SEC24D: variants seen among roughly 807,000 people sequenced by gnomAD.
The protein encoded by SEC24D is protein transport protein Sec24D.
In SEC24D, 69 loss-of-function variants were observed where a neutral mutation model predicts 116.9. That is an observed-to-expected ratio of 0.59 (90% CI 0.49 to 0.72). The LOEUF (loss-of-function observed/expected upper bound fraction) is 0.72. SEC24D is among the 30% of genes least tolerant of loss of function. SEC24D has a pLI of 0.00. For synonymous variants in SEC24D, 405 were observed against 442.8 expected (o/e 0.91, Z 1.07); for missense variants, 1,131 against 1,264.1 (o/e 0.89, Z 1.60).
chr4:118,833,332 A>G (rs1238242813), intron 2 of SEC24D: 6 of 342,708 alleles, frequency 1.8e-5, no homozygotes, highest in South Asian at 7.7e-5. Flanking sequence ...CAAGACTCAC[A>G]GTAAAAATAA....
chr4:118,757,589 TTGATTTATGAC>T, intron 11 of SEC24D, 121 bp downstream of exon 11: 1 of 697,122 alleles, frequency 1.4e-6, no homozygotes, highest in South Asian at 2.0e-5. Context: ...ATGATGCTGT[TTGATTTATGAC>T]TAATTACCCA....
intron 8 of SEC24D, among the ~76,000 whole-genome samples, chr4:118,772,611 A>C (rs950631198): frequency 6.6e-6 from 1 of 152,070 alleles, no homozygotes; most frequent in Admixed American, 6.6e-5. Context: ...AGGGAGCCAC[A>C]AAGTGGAGCA....
At chr4:118,814,301 C>A (rs1730044073) in intron 6 of SEC24D, among the ~76,000 whole-genome samples, 1 of 152,228 alleles carries the variant, frequency 6.6e-6, no homozygotes, top group African/African-American at 2.4e-5. Context: ...TTTTGGCCAG[C>A]TCTGTTTCCT....
At chr4:118,800,534 A>G (rs1411638671) in intron 7 of SEC24D, among the ~76,000 whole-genome samples, 1 of 152,250 alleles carries the variant, frequency 6.6e-6, no homozygotes, top group African/African-American at 2.4e-5. Flanking sequence ...ATTCAAATAG[A>G]AACAGAAGAA....
chr4:118,754,544 G>C (rs1342833210), intron 11 of SEC24D, among the ~76,000 whole-genome samples: 1 of 152,106 alleles, frequency 6.6e-6, no homozygotes, highest in Non-Finnish European at 1.5e-5. Context: ...AGGACCCAAA[G>C]CTTATGTTAT....
intron 15 of SEC24D, among the ~76,000 whole-genome samples, chr4:118,742,374 G>C (rs997038890): frequency 2.3e-4 from 17 of 72,634 alleles, no homozygotes; most frequent in African/African-American, 4.1e-4. Flanking sequence ...TTGGAAAAGT[G>C]GGGGGGGGAA....
chr4:118,768,398 T>TC, intron 8 of SEC24D, 87 bp from the exon 9 acceptor site: 1 of 1,000,688 alleles, frequency 1.0e-6, no homozygotes, highest in Non-Finnish European at 1.4e-6. Flanking sequence ...ATGGCACTTT[T>TC]TTTTTTTTTT....
intron 12 of SEC24D, among the ~76,000 whole-genome samples, chr4:118,752,379 T>A (rs950113890): frequency 6.6e-6 from 1 of 152,244 alleles, no homozygotes; most frequent in African/African-American, 2.4e-5. Flanking sequence ...CTTCAGTTAT[T>A]ACCATCATCA....
In SEC24D at chr4:118,820,661, CTT is replaced by C. The variant is rs35175042; in HGVS notation, c.249-3251_249-3250del. On this transcript the variant is annotated intron_variant, in intron 3 of 22. Coordinates refer to ENST00000280551, the MANE Select transcript of SEC24D (RefSeq NM_014822.4). ...AAGAGCATGTGAAATGGAGTGATCC[CTT>C]TTTTTTTTTCGCTATAAATATAATG... 2.9e-4 allele frequency among the ~76,000 whole-genome samples: 43 copies of C among 146,934 alleles called. No individual in the cohort carries two copies. The East Asian group carries it at 5.1e-3, about 17-fold the overall frequency.
rs1424580299 is a variant in SEC24D, at chr4:118,743,249, C to T, written c.1995+739G>A. Among the ~76,000 whole-genome samples, 7 of 151,948 alleles carry T rather than the reference C, an allele frequency of 4.6e-5. No homozygotes were observed. The South Asian group carries it at 8.3e-4, about 18-fold the overall frequency. On this transcript the variant is annotated intron_variant, in intron 15 of 22. Coordinates refer to ENST00000280551, the MANE Select transcript of SEC24D (RefSeq NM_014822.4). ...TATATTTTTCTCCATTATGAAAGCT[C>T]ACATTGATATTTGACTCTGAGGATG...
chr4:118,764,148 C>A (rs750391173), intron 10 of SEC24D, among the ~76,000 whole-genome samples: 1 of 152,086 alleles, frequency 6.6e-6, no homozygotes, highest in Non-Finnish European at 1.5e-5. Flanking sequence ...GAAGAGACAG[C>A]TGAGGTGATA....
At chr4:118,798,714 T>C (rs1417395848) in intron 7 of SEC24D, among the ~76,000 whole-genome samples, 1 of 152,164 alleles carries the variant, frequency 6.6e-6, no homozygotes, top group African/African-American at 2.4e-5. Flanking sequence ...AGTGAAGGGG[T>C]ACCAAGAAGT....
chr4:118,823,036 A>G (rs1319645055), intron 3 of SEC24D, among the ~76,000 whole-genome samples: 2 of 152,198 alleles, frequency 1.3e-5, no homozygotes, highest in East Asian at 3.9e-4. Context: ...TCATTTTACA[A>G]GTGAAAATGA....
chr4:118,776,837 G>A lies in SEC24D; in HGVS notation c.1042-8526C>T, dbSNP rs1728156443. Among the ~76,000 whole-genome samples the A allele has an allele frequency of 3.3e-5, 5 of 152,074 alleles. No homozygotes were observed. In the South Asian group the frequency reaches 6.2e-4, roughly 19 times the overall value. ...CAATAATGCACAATGTTCTACAAAT[G>A]ATTAATATATCTTAGACTTAAAACC... On this transcript the variant is annotated intron_variant, in intron 8 of 22. Transcript: ENST00000280551.
chr4:118,802,436 T>C (rs1388017046), intron 7 of SEC24D, among the ~76,000 whole-genome samples: 1 of 152,210 alleles, frequency 6.6e-6, no homozygotes, highest in East Asian at 1.9e-4. Context: ...CAGCTCTATA[T>C]TGTACTTATG....
At chr4:118,819,463 G>A (rs1170527844) in intron 3 of SEC24D, among the ~76,000 whole-genome samples, 1 of 150,024 alleles carries the variant, frequency 6.7e-6, no homozygotes, top group Non-Finnish European at 1.5e-5. Context: ...CCTGGGAGGC[G>A]GAGCTTGCAG....
At chr4:118,736,595 T>C in intron 19 of SEC24D, 1 of 296,240 alleles carries the variant, frequency 3.4e-6, no homozygotes, top group South Asian at 3.0e-5. Context: ...AAGTTTACAG[T>C]TAGATTTTCT....
At chr4:118,831,985 G>C (rs1431451233) in intron 2 of SEC24D, among the ~76,000 whole-genome samples, 2 of 152,056 alleles carry the variant, frequency 1.3e-5, no homozygotes, top group East Asian at 1.9e-4. Flanking sequence ...GGTGGATCAC[G>C]TGAGGTCAGG....
At chr4:118,753,293 T>A (rs1321928321) in intron 11 of SEC24D, among the ~76,000 whole-genome samples, 2 of 152,168 alleles carry the variant, frequency 1.3e-5, no homozygotes, top group Admixed American at 6.5e-5. Context: ...AAGCAAGGGA[T>A]GAGGAAGCCA....
Sources: gnomAD v4.1 joint callset for allele counts (sites outside exome capture counted in the v4.1 genomes callset) on GRCh38, gnomAD v4.1.1 for gene constraint, MANE v1.5 for transcripts, NCBI Gene and HGNC (gene_info 2026-07-23, HGNC 2026-07-21) for gene names.